SPATA17: variants seen among roughly 807,000 people sequenced by gnomAD.
SPATA17 encodes the protein spermatogenesis associated 17.
SPATA17 carries 53 observed loss-of-function variants against 62.2 expected under a neutral mutation model. The ratio of observed to expected loss-of-function variants is 0.85; its 90% confidence interval spans 0.68 to 1.07. The LOEUF is 1.07. SPATA17 is among the 50% of genes least tolerant of loss of function. The pLI, the probability that SPATA17 is intolerant of heterozygous loss-of-function variation, is 0.00. For missense variants in SPATA17, 466 were observed against 425.5 expected, an observed-to-expected ratio of 1.10 and a Z score of -0.84; for synonymous variants, 146 against 146.8, an observed-to-expected ratio of 0.99 and a Z score of 0.04.
At chr1:217,727,068 A>G (rs1461537289) in intron 5 of SPATA17, among the ~76,000 whole-genome samples, 2 of 151,790 alleles carry the variant, frequency 1.3e-5, no homozygotes, top group African/African-American at 2.4e-5. Flanking sequence ...ACCAACATGG[A>G]GAAACCCCAT....
intron 4 of SPATA17, among the ~76,000 whole-genome samples, chr1:217,669,983 T>C (rs931209922): frequency 3.9e-5 from 6 of 152,130 alleles, no homozygotes; most frequent in Non-Finnish European, 8.8e-5. Flanking sequence ...CTCCTGGAGT[T>C]TGAGGAAAAA....
chr1:217,663,445 CA>C (rs199729272), intron 3 of SPATA17, among the ~76,000 whole-genome samples: 2,318 of 114,926 alleles, frequency 0.02, 32 homozygotes, highest in Middle Eastern at 0.072. Context: ...AACTCCATCT[CA>C]AAAAAAAAAA....
At position 217,869,308 on chromosome 1, in the gene SPATA17, A is replaced by G. The variant is rs1676083070; in HGVS notation, c.*2289A>G. On this transcript the variant is annotated 3_prime_UTR_variant, in exon 11 of 11. Coordinates refer to ENST00000366933, the MANE Select transcript of SPATA17 (RefSeq NM_138796.4). ...CAAAGAATTTATCTAAAGACCTGGA[A>G]TCCATAGAAGGCTTTACCTGGATTA... is the stretch of plus-strand genomic sequence containing the variant. The G allele has an allele frequency of 6.6e-6, 1 of 152,174 alleles. No homozygotes were observed. Among genetic ancestry groups the G allele is most frequent in the Non-Finnish European group, 1.5e-5 (1 of 68,040 alleles). The allele number at this position is 152,174 out of a possible 1,614,324, so 9.4% of individuals were successfully genotyped here.
At chr1:217,780,880 T>C (rs2102975996) in intron 7 of SPATA17, among the ~76,000 whole-genome samples, 1 of 152,238 alleles carries the variant, frequency 6.6e-6, no homozygotes, top group South Asian at 2.1e-4. Context: ...AGAAATACTT[T>C]GCTCCTTGTC....
intron 3 of SPATA17, among the ~76,000 whole-genome samples, chr1:217,660,269 A>G (rs1008571077): frequency 2.0e-5 from 3 of 152,210 alleles, no homozygotes; most frequent in East Asian, 1.9e-4. Context: ...AATGCTTGTC[A>G]TGTAGGCATT....
intron 5 of SPATA17, among the ~76,000 whole-genome samples, chr1:217,740,391 A>C (rs1413149743): frequency 6.6e-6 from 1 of 151,968 alleles, no homozygotes; most frequent in Non-Finnish European, 1.5e-5. Context: ...TTAATAATGT[A>C]TTTGCTTTTT....
chr1:217,785,216 C>G (rs1436785803), intron 8 of SPATA17: 1 of 152,222 alleles, frequency 6.6e-6, no homozygotes, highest in East Asian at 1.9e-4. Flanking sequence ...GGTGCTTACC[C>G]TACTCCAGTA....
At chr1:217,646,057 C>A (rs1670174108) in intron 1 of SPATA17, among the ~76,000 whole-genome samples, 1 of 151,928 alleles carries the variant, frequency 6.6e-6, no homozygotes, top group South Asian at 2.1e-4. Flanking sequence ...TTTCCATGGT[C>A]AAAATGTTGA....
chr1:217,767,023 ACTC>A (rs1673317401), intron 6 of SPATA17, among the ~76,000 whole-genome samples: 1 of 149,994 alleles, frequency 6.7e-6, no homozygotes, highest in Admixed American at 6.6e-5. Context: ...CTCTCTGAAA[ACTC>A]CTTTTAATAT....
chr1:217,860,969 C>A (rs1675886115), intron 9 of SPATA17, among the ~76,000 whole-genome samples: 1 of 152,054 alleles, frequency 6.6e-6, no homozygotes. Flanking sequence ...TTTCACTCAG[C>A]ATATCAAAAT....
At chr1:217,831,829 A>G (rs1225697871) in intron 9 of SPATA17, among the ~76,000 whole-genome samples, 2 of 152,108 alleles carry the variant, frequency 1.3e-5, no homozygotes, top group Non-Finnish European at 2.9e-5. Context: ...TTTACCATAT[A>G]CTTGTTTCCT....
chr1:217,850,401 C>A, intron 9 of SPATA17: 1 of 1,136,470 alleles, frequency 8.8e-7, no homozygotes, highest in South Asian at 1.3e-5. Flanking sequence ...GACTGAAGAA[C>A]TAACAGCCAC....
chr1:217,760,175 A>G (rs1296120010), intron 6 of SPATA17, among the ~76,000 whole-genome samples: 1 of 152,188 alleles, frequency 6.6e-6, no homozygotes, highest in Non-Finnish European at 1.5e-5. Flanking sequence ...TTACCACCAG[A>G]GAGACTTAAA....
intron 5 of SPATA17, among the ~76,000 whole-genome samples, chr1:217,736,302 A>G (rs1484470533): frequency 6.6e-6 from 1 of 152,230 alleles, no homozygotes; most frequent in African/African-American, 2.4e-5. Context: ...ATATGGAGAC[A>G]GTAGTCTTTT....
intron 6 of SPATA17, among the ~76,000 whole-genome samples, chr1:217,766,810 G>T (rs545577682): frequency 1.3e-5 from 2 of 151,534 alleles, no homozygotes; most frequent in Non-Finnish European, 2.9e-5. Context: ...TACATTGTGG[G>T]TTGTTAGGGT....
At chr1:217,664,289 C>CTT (rs34166363) in intron 3 of SPATA17, among the ~76,000 whole-genome samples, 34 of 75,764 alleles carry the variant, frequency 4.5e-4, no homozygotes, top group South Asian at 9.8e-4. Flanking sequence ...TGTTAAAAAT[C>CTT]TTTTTTTTTT....
intron 1 of SPATA17, among the ~76,000 whole-genome samples, chr1:217,648,270 T>A (rs187964100): frequency 1.3e-5 from 2 of 152,340 alleles, no homozygotes; most frequent in Admixed American, 1.3e-4. Flanking sequence ...CTTTATGTAG[T>A]CTTACTGATT....
At chr1:217,811,724 T>G (rs1674595531) in intron 9 of SPATA17, among the ~76,000 whole-genome samples, 1 of 151,474 alleles carries the variant, frequency 6.6e-6, no homozygotes, top group African/African-American at 2.4e-5. Context: ...TGTCTCTGTG[T>G]GGTGGCTAGC....
chr1:217,728,522 A>AT (rs1314099282), intron 5 of SPATA17, among the ~76,000 whole-genome samples: 8 of 152,070 alleles, frequency 5.3e-5, no homozygotes, highest in Non-Finnish European at 1.2e-4. Context: ...ATTAAGATTA[A>AT]TTTTTTTATG....
Sources: gnomAD v4.1 joint callset for allele counts (sites outside exome capture counted in the v4.1 genomes callset) on GRCh38, gnomAD v4.1.1 for gene constraint, MANE v1.5 for transcripts, NCBI Gene and HGNC (gene_info 2026-07-23, HGNC 2026-07-21) for gene names.